DGKG: variants seen among roughly 807,000 people sequenced by gnomAD.
DGKG encodes DAG kinase gamma.
DGKG carries 78 observed loss-of-function variants against 105.3 expected under a neutral mutation model. The ratio of observed to expected loss-of-function variants is 0.74; its 90% CI spans 0.62 to 0.89. DGKG has a LOEUF of 0.89. DGKG is among the 40% of genes least tolerant of loss of function. The pLI is 0.00. For missense variants in DGKG, 958 were observed against 1,020.1 expected, an observed-to-expected ratio of 0.94 and a Z score of 0.83; for synonymous variants, 346 against 367.1, an observed-to-expected ratio of 0.94 and a Z score of 0.66.
intron 20 of DGKG, among the ~76,000 whole-genome samples, chr3:186,225,579 G>A (rs1719819554): frequency 1.3e-5 from 2 of 152,058 alleles, no homozygotes; most frequent in African/African-American, 2.4e-5. Context: ...AGCTTCTCTT[G>A]AGAAATCAGA....
At position 186,359,962 on chromosome 3, in the gene DGKG, T is replaced by G. The variant is rs189749456; in HGVS notation, c.-249+1984A>C. On this transcript the variant is annotated intron_variant, in intron 1 of 24. Transcript: ENST00000265022. ...AAGTTTTACCACAAAGAAAAGGTAC[T>G]TCCCCGCCCTTTTCCCCCTTCTCTT... 5.6e-3 allele frequency among the ~76,000 whole-genome samples: 856 copies of G among 152,330 alleles called. 10 individuals are homozygous for G. Among genetic ancestry groups the G allele is most frequent in the Non-Finnish European group, 4.4e-3 (299 of 68,032 alleles).
chr3:186,273,372 T>C (rs1722419575), intron 10 of DGKG, among the ~76,000 whole-genome samples: 1 of 130,258 alleles, frequency 7.7e-6, no homozygotes, highest in African/African-American at 2.7e-5. Flanking sequence ...TACCCCTTTT[T>C]TTTTTTTTTT....
chr3:186,242,637 C>T (rs375484830), intron 19 of DGKG, 69 bp from the exon 20 acceptor site: 19 of 1,347,916 alleles, frequency 1.4e-5, no homozygotes, highest in Middle Eastern at 1.9e-4. Context: ...AGGGAAGGGA[C>T]GCACGCATGC....
chr3:186,339,501 G>C (rs1443678176), intron 1 of DGKG, among the ~76,000 whole-genome samples: 1 of 152,172 alleles, frequency 6.6e-6, no homozygotes, highest in African/African-American at 2.4e-5. Flanking sequence ...AACTTTAAAA[G>C]AGGTTTTTTC....
intron 22 of DGKG, among the ~76,000 whole-genome samples, chr3:186,182,875 A>G (rs1717425703): frequency 6.6e-6 from 1 of 152,172 alleles, no homozygotes; most frequent in African/African-American, 2.4e-5. Context: ...AGGGGACACA[A>G]AGATAAAGAA....
At chr3:186,156,877 T>A (rs1716062488) in intron 24 of DGKG, among the ~76,000 whole-genome samples, 1 of 152,116 alleles carries the variant, frequency 6.6e-6, no homozygotes, top group Non-Finnish European at 1.5e-5. Context: ...AAGTAATTTA[T>A]CCTTTGAGGT....
At chr3:186,272,488 G>A (rs752863853) in intron 10 of DGKG, 145 bp from the exon 11 acceptor site, 41 of 647,520 alleles carry the variant, frequency 6.3e-5, no homozygotes, top group Middle Eastern at 3.2e-4. Context: ...CTTGCCTAAC[G>A]GAAATTCAAA....
chr3:186,160,716 G>A, intron 24 of DGKG: 1 of 985,426 alleles, frequency 1.0e-6, no homozygotes, highest in Non-Finnish European at 1.2e-6. Flanking sequence ...AATTTGCATA[G>A]CTGCAATCTT....
chr3:186,203,952 C>T lies in DGKG; in HGVS notation c.1917+7843G>A, dbSNP rs1233561884. On this transcript the variant is annotated intron_variant, in intron 21 of 24. Transcript: ENST00000265022. The surrounding 1 kb of genome is among the most constrained non-coding windows in gnomAD (Gnocchi z 4.9). ...GACCAAGACTTGAAGACCTCTTTCC[C>T]TCTAGTTTAAGAGTGTGCAGCACTG... Among the ~76,000 whole-genome samples the T allele has an allele frequency of 6.6e-6, 1 of 152,140 alleles. No homozygotes were observed. The highest frequency in any genetic ancestry group is 1.5e-5 in the Non-Finnish European group (1 of 68,036).
At chr3:186,206,043 G>A (rs997916422) in intron 21 of DGKG, among the ~76,000 whole-genome samples, 8 of 152,004 alleles carry the variant, frequency 5.3e-5, no homozygotes, top group Admixed American at 4.6e-4. Context: ...CATATTAGTG[G>A]AGCTGGCTGA....
intron 20 of DGKG, among the ~76,000 whole-genome samples, chr3:186,239,876 T>C (rs564781775): frequency 6.6e-6 from 1 of 151,376 alleles, no homozygotes; most frequent in South Asian, 2.1e-4. Flanking sequence ...GTTCATACTT[T>C]GCATTAAAAT....
chr3:186,325,752 T>C (rs948301809), intron 1 of DGKG, among the ~76,000 whole-genome samples: 1 of 151,796 alleles, frequency 6.6e-6, no homozygotes, highest in African/African-American at 2.4e-5. Context: ...TTATATATAA[T>C]ATATATTTAT....
At chr3:186,194,350 G>A (rs1718067206) in intron 21 of DGKG, among the ~76,000 whole-genome samples, 1 of 152,210 alleles carries the variant, frequency 6.6e-6, no homozygotes, top group Non-Finnish European at 1.5e-5. Context: ...TCGCCAAGAG[G>A]GACCCGGAGC....
chr3:186,154,060 G>A (rs1162289069), intron 24 of DGKG, among the ~76,000 whole-genome samples: 1 of 152,190 alleles, frequency 6.6e-6, no homozygotes, highest in African/African-American at 2.4e-5. Context: ...TCTCGCCACT[G>A]TACTCCAGCC....
chr3:186,221,850 C>A (rs555863269), intron 20 of DGKG, among the ~76,000 whole-genome samples: 7 of 152,336 alleles, frequency 4.6e-5, no homozygotes, highest in Middle Eastern at 6.8e-3. Context: ...CAGGTCCACA[C>A]CCTCACACTA....
chr3:186,351,882 G>A (rs1418592048), intron 1 of DGKG, among the ~76,000 whole-genome samples: 1 of 152,226 alleles, frequency 6.6e-6, no homozygotes, highest in African/African-American at 2.4e-5. Context: ...TACCAGAGGA[G>A]CTAAGGAATT....
intron 20 of DGKG, among the ~76,000 whole-genome samples, chr3:186,215,210 A>C (rs1487509321): frequency 6.6e-6 from 1 of 152,170 alleles, no homozygotes; most frequent in Admixed American, 6.5e-5. Context: ...CAGGAGTTCG[A>C]GACCCGCCTG....
chr3:186,288,425 A>G (rs1723166550), intron 6 of DGKG, among the ~76,000 whole-genome samples: 1 of 152,212 alleles, frequency 6.6e-6, no homozygotes, highest in Non-Finnish European at 1.5e-5. Context: ...AAAGCAAGGA[A>G]GTCTTGACCA....
At chr3:186,175,063 G>T (rs2108489318) in intron 22 of DGKG, among the ~76,000 whole-genome samples, 1 of 152,316 alleles carries the variant, frequency 6.6e-6, no homozygotes, top group African/African-American at 2.4e-5. Context: ...GACTGGAATT[G>T]TGGTGTCTGT....
Sources: gnomAD v4.1 joint callset for allele counts (sites outside exome capture counted in the v4.1 genomes callset) on GRCh38, gnomAD v4.1.1 for gene constraint, Gnocchi (gnomAD v3.1) non-coding constraint, MANE v1.5 for transcripts, NCBI Gene and HGNC (gene_info 2026-07-23, HGNC 2026-07-21) for gene names.